The following ENTREP3 variants were observed in gnomAD, a reference collection of about 807,000 sequenced individuals.
The protein encoded by ENTREP3 is protein ENTREP3.
At chr1:155,251,025 A>G in the ENTREP3 span, 2 of 1,463,032 alleles carry the variant, frequency 1.4e-6, no homozygotes, top group South Asian at 1.2e-5. Flanking sequence ...TTCCCCTTCT[A>G]TTGTCTCTAC....
the ENTREP3 span, chr1:155,248,328 A>G: frequency 1.2e-6 from 2 of 1,611,662 alleles, no homozygotes; most frequent in Non-Finnish European, 1.7e-6. Context: ...AGATAAGAGA[A>G]TGGTATTGTA....
chr1:155,254,982 C>A, the ENTREP3 span: 2 of 885,184 alleles, frequency 2.3e-6, no homozygotes, highest in Non-Finnish European at 3.5e-6. The surrounding 1 kb of genome is among the most constrained non-coding windows in gnomAD (Gnocchi z 4.4). Flanking sequence ...CCCACTCGCT[C>A]TAGAGCCCAC....
At chr1:155,254,022 CTG>C in the ENTREP3 span, 1 of 1,613,196 alleles carries the variant, frequency 6.2e-7, no homozygotes, top group Non-Finnish European at 8.5e-7. This position sits in a 1 kb window ranked among gnomAD's most constrained non-coding sequence, Gnocchi z 4.4. Flanking sequence ...TCAGGACAAA[CTG>C]AGGTGTCCTG....
the ENTREP3 span, chr1:155,247,348 G>A: frequency 2.7e-5 from 13 of 474,676 alleles, no homozygotes; most frequent in East Asian, 7.7e-4. Flanking sequence ...AGCTAGAGGT[G>A]GCAGAGCTGA....
At chr1:155,254,287 C>T in the ENTREP3 span, 6 of 1,495,542 alleles carry the variant, frequency 4.0e-6, no homozygotes, top group African/African-American at 4.1e-5. This position sits in a 1 kb window ranked among gnomAD's most constrained non-coding sequence, Gnocchi z 4.4. Flanking sequence ...ACACTTCGTG[C>T]CCACCCGGCT....
At chr1:155,254,818 G>A in the ENTREP3 span, 1 of 1,607,912 alleles carries the variant, frequency 6.2e-7, no homozygotes, top group South Asian at 1.1e-5. This position sits in a 1 kb window ranked among gnomAD's most constrained non-coding sequence, Gnocchi z 4.4. Context: ...GGTGGGTAAG[G>A]CCCCTGGTGC....
At chr1:155,248,210 G>A in the ENTREP3 span, 2 of 1,609,636 alleles carry the variant, frequency 1.2e-6, no homozygotes, top group Non-Finnish European at 1.7e-6. Context: ...TTGGAAGGTG[G>A]GCACAGGGCG....
chr1:155,250,432 C>G, the ENTREP3 span: 1 of 1,490,108 alleles, frequency 6.7e-7, no homozygotes. The surrounding 1 kb of genome is among the most constrained non-coding windows in gnomAD (Gnocchi z 5.4). Context: ...GGCGGGGCTG[C>G]GGCTGGGCGG....
the ENTREP3 span, chr1:155,254,280 C>T: frequency 6.7e-7 from 1 of 1,493,706 alleles, no homozygotes; most frequent in Non-Finnish European, 9.3e-7. The surrounding 1 kb of genome is among the most constrained non-coding windows in gnomAD (Gnocchi z 4.4). Flanking sequence ...TTCACAGACA[C>T]TTCGTGCCCA....
chr1:155,255,124 C>A, the ENTREP3 span: 10 of 583,026 alleles, frequency 1.7e-5, no homozygotes, highest in East Asian at 2.8e-4. The surrounding 1 kb of genome is among the most constrained non-coding windows in gnomAD (Gnocchi z 5.6). Flanking sequence ...GTGCCCGGGG[C>A]GACGATGAGG....
At chr1:155,254,653 C>T in the ENTREP3 span, 27 of 1,606,554 alleles carry the variant, frequency 1.7e-5, no homozygotes, top group Admixed American at 1.2e-4. This position sits in a 1 kb window ranked among gnomAD's most constrained non-coding sequence, Gnocchi z 4.4. Flanking sequence ...CCCAACTCAC[C>T]GAGAACCCAG....
At chr1:155,255,099 C>G in the ENTREP3 span, 1 of 594,870 alleles carries the variant, frequency 1.7e-6, no homozygotes, top group Non-Finnish European at 3.0e-6. This position sits in a 1 kb window ranked among gnomAD's most constrained non-coding sequence, Gnocchi z 5.6. Context: ...CCACCACGGG[C>G]ACTGGACGGG....
chr1:155,247,860 C>T, the ENTREP3 span: 1 of 1,515,152 alleles, frequency 6.6e-7, no homozygotes, highest in South Asian at 1.3e-5. Context: ...TGCGGCCAGA[C>T]AGGAGACGCC....
At chr1:155,254,164 A>G in the ENTREP3 span, 1 of 1,614,054 alleles carries the variant, frequency 6.2e-7, no homozygotes, top group Middle Eastern at 1.6e-4. The surrounding 1 kb of genome is among the most constrained non-coding windows in gnomAD (Gnocchi z 4.4). Context: ...AGCATGACAC[A>G]GAGCACCGAA....
At chr1:155,254,543 G>A in the ENTREP3 span, 4 of 1,571,736 alleles carry the variant, frequency 2.5e-6, no homozygotes, top group Non-Finnish European at 2.6e-6. This position sits in a 1 kb window ranked among gnomAD's most constrained non-coding sequence, Gnocchi z 4.4. Flanking sequence ...GCCCTGTAAG[G>A]AGGCAGAGGA....
At chr1:155,254,830 G>A in the ENTREP3 span, 1 of 1,602,238 alleles carries the variant, frequency 6.2e-7, no homozygotes, top group Non-Finnish European at 8.5e-7. This position sits in a 1 kb window ranked among gnomAD's most constrained non-coding sequence, Gnocchi z 4.4. Flanking sequence ...CCCTGGTGCT[G>A]GGCCGGCTGG....
chr1:155,253,308 GT>G, the ENTREP3 span: 1 of 266,198 alleles, frequency 3.8e-6, no homozygotes, highest in Non-Finnish European at 7.1e-6. Flanking sequence ...GCCTCTCAAA[GT>G]GCTGGGATTA....
the ENTREP3 span, among the ~76,000 whole-genome samples, chr1:155,248,843 T>C: frequency 6.6e-6 from 1 of 151,684 alleles, no homozygotes. Flanking sequence ...GCCTCCCTAG[T>C]AGCTGGGATT....
chr1:155,252,709 TATATATATATATA>T, the ENTREP3 span: 4 of 55,436 alleles, frequency 7.2e-5, no homozygotes, highest in East Asian at 6.8e-4. Context: ...TATATATATA[TATATATATATATA>T]TTTTTTTTTT....
Sources: gnomAD v4.1 joint callset for allele counts (sites outside exome capture counted in the v4.1 genomes callset) on GRCh38, gnomAD v4.1.1 for gene constraint, Gnocchi (gnomAD v3.1) non-coding constraint, MANE v1.5 for transcripts, NCBI Gene and HGNC (gene_info 2026-07-23, HGNC 2026-07-21) for gene names.